The following NR1H2 variants were observed in gnomAD, a reference collection of about 807,000 sequenced individuals.
NR1H2 encodes oxysterols receptor LXR-beta.
NR1H2 carries 33 observed loss-of-function variants against 51.2 expected under a neutral mutation model. The ratio of observed to expected loss-of-function variants is 0.64; its 90% confidence interval spans 0.49 to 0.86. The LOEUF (loss-of-function observed/expected upper bound fraction) is 0.86. Among genes scored for constraint, NR1H2 ranks in the 40% least tolerant of loss-of-function variants. The pLI is 0.00. For missense variants in NR1H2, 592 were observed against 639.9 expected, an observed-to-expected ratio of 0.93 and a Z score of 0.81; for synonymous variants, 310 against 264.3, an observed-to-expected ratio of 1.17 and a Z score of -1.68.
chr19:50,382,290 G>GC, intron 9 of NR1H2, 116 bp downstream of exon 9: 1 of 1,338,278 alleles, frequency 7.5e-7, no homozygotes, highest in Non-Finnish European at 1.0e-6. Context: ...CTTTCCTCAG[G>GC]CCCCACCCTG....
intron 7 of NR1H2, 108 bp from the exon 8 acceptor site, chr19:50,379,672 A>G (rs2037734028): frequency 1.4e-6 from 1 of 729,976 alleles, no homozygotes; most frequent in Non-Finnish European, 2.5e-6. Flanking sequence ...GGGGAAGGGG[A>G]CAAGGGATAA....
At chr19:50,381,771 T>C (rs906591114) in intron 8 of NR1H2, among the ~76,000 whole-genome samples, 195 bp from the exon 9 acceptor site, 1 of 152,212 alleles carries the variant, frequency 6.6e-6, no homozygotes, top group African/African-American at 2.4e-5. Flanking sequence ...CATTCATTCC[T>C]TCACTGGGCA....
intron 9 of NR1H2, 24 bp downstream of exon 9, chr19:50,382,198 G>A (rs772792987): frequency 6.6e-6 from 10 of 1,504,230 alleles, no homozygotes; most frequent in African/African-American, 1.4e-5. Context: ...GAGCCTCTGC[G>A]CAGAGCCAAC....
rs543330208 is a variant in NR1H2, at chr19:50,378,970, C to T, written c.748-32C>T. 6.3e-6 allele frequency: 10 copies of T among 1,582,018 alleles called. 1 individual carries two copies. In the South Asian group the frequency reaches 8.1e-5, roughly 13 times the overall value. Reference sequence around the variant, plus strand: ...CCACCCAGACTTAGGCTCACAAAGACCTGGGAGTGACCCTGGTCTCCTGTG... The same window carrying T: ...CCACCCAGACTTAGGCTCACAAAGATCTGGGAGTGACCCTGGTCTCCTGTG... On this transcript the variant is annotated intron_variant, in intron 6 of 9. Coordinates refer to ENST00000253727, the MANE Select transcript of NR1H2 (RefSeq NM_007121.7).
At chr19:50,377,307 G>A (rs2037682353) in intron 2 of NR1H2, 8 of 409,862 alleles carry the variant, frequency 2.0e-5, no homozygotes, top group Non-Finnish European at 3.4e-5. Context: ...AAAGGAGAAT[G>A]GGCCCTACCT....
chr19:50,378,248 C>T lies in NR1H2; in HGVS notation c.281C>T (p.Ala94Val). The change falls in exon 5 of 10, where the codon GCC becomes GTC. Residue 94 changes from alanine (A) to valine (V), a missense_variant. By Grantham distance (64) the Ala-to-Val change is moderately conservative. Transcript: ENST00000253727. ...HELCRVCGDKASGFHYNVLSC... is the reference protein window; with the variant it reads ...HELCRVCGDKVSGFHYNVLSC... ...CTTTGCCGTGTCTGTGGGGACAAGG[C>T]CTCCGGCTTCCACTACAACGTGCTC... 6.2e-7 allele frequency: 1 copy of T among 1,613,474 alleles called. No individual in the cohort carries two copies. The highest frequency in any genetic ancestry group is 2.2e-5 in the East Asian group (1 of 44,884).
intron 4 of NR1H2, 90 bp downstream of exon 4, chr19:50,377,960 C>A (rs1201363904): frequency 6.8e-7 from 1 of 1,476,904 alleles, no homozygotes; most frequent in Non-Finnish European, 9.0e-7. Context: ...AGGCCCTGAT[C>A]TTTGCTTTTT....
intron 8 of NR1H2, 69 bp downstream of exon 8, chr19:50,379,948 T>C: frequency 1.0e-6 from 1 of 1,000,888 alleles, no homozygotes. Flanking sequence ...GGCCAACTCA[T>C]CCCTGTTGGA....
chr19:50,377,566 T>G (rs765171075), intron 2 of NR1H2, 21 bp from the exon 3 acceptor site: 16 of 1,603,608 alleles, frequency 1.0e-5, no homozygotes, highest in Non-Finnish European at 1.4e-5. Context: ...CACAAGGCTC[T>G]CAATCCCCTG....
intron 2 of NR1H2, 35 bp from the exon 3 acceptor site, chr19:50,377,552 G>A (rs552056170): frequency 3.2e-6 from 5 of 1,563,894 alleles, no homozygotes; most frequent in Admixed American, 1.8e-5. Context: ...ACCCTTCTTA[G>A]CCCCACAAGG....
chr19:50,377,381 A>T, intron 2 of NR1H2: 1 of 500,336 alleles, frequency 2.0e-6, no homozygotes, highest in Non-Finnish European at 3.5e-6. Context: ...GCTTAAGACC[A>T]AGCTGAAGGC....
rs756691382 is a variant in NR1H2 at position 50,382,614 on chromosome 19, C to A, written c.*12C>A. 6.5e-7 allele frequency: 1 copy of A among 1,548,996 alleles called. No individual in the cohort carries two copies. Among genetic ancestry groups the A allele is most frequent in the Non-Finnish European group, 8.7e-7 (1 of 1,150,314 alleles). On this transcript the variant is annotated 3_prime_UTR_variant, in exon 10 of 10. Transcript: ENST00000253727. ...ACGTCCACGAGTGAGGGGCTGGCCA[C>A]CCAGCCCCACAGCCTTGCCTGACCA...
intron 9 of NR1H2, 121 bp downstream of exon 9, chr19:50,382,295 A>T: frequency 7.5e-7 from 1 of 1,333,516 alleles, no homozygotes; most frequent in Non-Finnish European, 1.0e-6. Flanking sequence ...CTCAGGCCCC[A>T]CCCTGCTCGA....
At chr19:50,381,482 T>A (rs949046946) in intron 8 of NR1H2, among the ~76,000 whole-genome samples, 10 of 152,230 alleles carry the variant, frequency 6.6e-5, no homozygotes, top group African/African-American at 9.6e-5. Context: ...ACCGGTCCCC[T>A]AGGCTCTCAA....
At chr19:50,380,814 C>T (rs1413287444) in intron 8 of NR1H2, among the ~76,000 whole-genome samples, 2 of 152,164 alleles carry the variant, frequency 1.3e-5, no homozygotes, top group East Asian at 3.9e-4. Context: ...CTACCCCTTC[C>T]CAGCCGCTCC....
At chr19:50,382,292 C>A in intron 9 of NR1H2, 118 bp downstream of exon 9, 1 of 1,339,670 alleles carries the variant, frequency 7.5e-7, no homozygotes, top group Non-Finnish European at 1.0e-6. Context: ...TTCCTCAGGC[C>A]CCACCCTGCT....
At chr19:50,379,488 G>A (rs1481474620) in intron 7 of NR1H2, among the ~76,000 whole-genome samples, 2 of 152,142 alleles carry the variant, frequency 1.3e-5, no homozygotes, top group African/African-American at 4.8e-5. Context: ...CCAAGTGTTG[G>A]CATATGGGGC....
At chr19:50,382,307 T>G in intron 9 of NR1H2, 133 bp downstream of exon 9, 2 of 1,342,982 alleles carry the variant, frequency 1.5e-6, no homozygotes, top group Non-Finnish European at 2.0e-6. Context: ...CCTGCTCGAC[T>G]GGGAGCCAGG....
chr19:50,382,297 C>T, intron 9 of NR1H2, 123 bp downstream of exon 9: 2 of 1,339,384 alleles, frequency 1.5e-6, no homozygotes, highest in South Asian at 1.4e-5. Flanking sequence ...CAGGCCCCAC[C>T]CTGCTCGACT....
Sources: gnomAD v4.1 joint callset for allele counts (sites outside exome capture counted in the v4.1 genomes callset) on GRCh38, gnomAD v4.1.1 for gene constraint, MANE v1.5 for transcripts, NCBI Gene and HGNC (gene_info 2026-07-23, HGNC 2026-07-21) for gene names.